Variants in CDH26 observed in about 807,000 individuals in gnomAD.
The protein encoded by CDH26 is cadherin-like protein 26.
A neutral mutation model predicts 90.3 loss-of-function variants in CDH26; 83 were observed. The observed-to-expected ratio is 0.92, with a 90% CI of 0.77 to 1.10. The LOEUF (loss-of-function observed/expected upper bound fraction) is 1.10, where lower values mean the gene tolerates loss of function less well. CDH26 is among the 50% of genes least tolerant of loss of function. The pLI is 0.00. For synonymous variants in CDH26, 397 were observed against 396.3 expected (o/e 1.00, Z -0.02); for missense variants, 1,013 against 1,037.6 (o/e 0.98, Z 0.33).
intron 7 of CDH26, among the ~76,000 whole-genome samples, chr20:60,021,897 C>CATATATATATATAT (rs71228705): frequency 2.4e-4 from 19 of 78,936 alleles, no homozygotes; most frequent in African/African-American, 5.6e-4. Context: ...CACACACACA[C>CATATATATATATAT]ATATATATAT....
At chr20:60,035,505 T>G (rs2122806727), downstream of CDH26, among the ~76,000 whole-genome samples, 1 of 152,394 alleles carries the variant, frequency 6.6e-6, no homozygotes, top group East Asian at 1.9e-4. Context: ...CTGGAACATA[T>G]GAAATTATGT....
At chr20:60,025,322 T>G (rs1200111245) in intron 7 of CDH26, among the ~76,000 whole-genome samples, 1 of 152,244 alleles carries the variant, frequency 6.6e-6, no homozygotes, top group Non-Finnish European at 1.5e-5. Context: ...ATTTTTCCCA[T>G]TATGTTTAAA....
At chr20:60,020,899 A>G (rs2061946625) in intron 7 of CDH26, among the ~76,000 whole-genome samples, 1 of 152,176 alleles carries the variant, frequency 6.6e-6, no homozygotes, top group Admixed American at 6.5e-5. Context: ...AGGGACTGTT[A>G]GTGATCTTCT....
chr20:59,974,760 G>A (rs897818743), intron 4 of CDH26, among the ~76,000 whole-genome samples: 3 of 152,158 alleles, frequency 2.0e-5, no homozygotes, highest in South Asian at 2.1e-4. Context: ...AAGATACAGG[G>A]TGGGGATTCT....
intron 4 of CDH26, 145 bp downstream of exon 4, chr20:59,972,268 C>G: frequency 1.4e-6 from 1 of 721,280 alleles, no homozygotes; most frequent in South Asian, 2.0e-5. Context: ...ACGAGTATGC[C>G]TGAGACTTTT....
At chr20:59,987,711 A>T (rs2061477150) in intron 8 of CDH26, 73 bp downstream of exon 8, 5 of 1,362,052 alleles carry the variant, frequency 3.7e-6, no homozygotes, top group Non-Finnish European at 4.0e-6. Flanking sequence ...ATCACTCACA[A>T]TGAACCAGGG....
chr20:60,021,091 G>A (rs2146030535), intron 7 of CDH26, among the ~76,000 whole-genome samples: 1 of 152,296 alleles, frequency 6.6e-6, no homozygotes, highest in Admixed American at 6.5e-5. Context: ...TCCAGTTAAA[G>A]CTTAGTTATT....
Position 59,958,768 on chromosome 20 carries a change from T to G in CDH26, c.42T>G (p.Leu14=), listed in dbSNP as rs750059295. 8.1e-6 allele frequency: 13 copies of G among 1,614,040 alleles called. No individual in the cohort carries two copies. The highest frequency in any genetic ancestry group is 1.1e-5 in the Non-Finnish European group (13 of 1,179,936). ...GGAGGCACCCCTCGCTGCTGCTGCT[T>G]CTAGTGCTGCTGCTGTGGCTGCTGC... ...RSGRHPSLLL[L]LVLLLWLLQV... The change falls in exon 1 of 18, where the codon CTT becomes CTG. Residue 14 remains leucine, a synonymous_variant. Coordinates refer to ENST00000348616, the MANE Select transcript of CDH26 (RefSeq NM_177980.4).
chr20:59,993,525 A>G (rs997642657), intron 10 of CDH26, among the ~76,000 whole-genome samples: 1 of 152,180 alleles, frequency 6.6e-6, no homozygotes, highest in Non-Finnish European at 1.5e-5. Context: ...TTGATTTTCT[A>G]TTCCTGAGTT....
intron 9 of CDH26, 147 bp downstream of exon 9, chr20:59,989,310 T>A: frequency 1.0e-6 from 1 of 986,728 alleles, no homozygotes; most frequent in South Asian, 1.6e-5. Flanking sequence ...GGGTGGATCA[T>A]GAGGTCAAGA....
At chr20:60,010,928 A>G (rs766097566) in intron 17 of CDH26, among the ~76,000 whole-genome samples, 10 of 152,068 alleles carry the variant, frequency 6.6e-5, no homozygotes, top group Non-Finnish European at 8.8e-5. Flanking sequence ...ACAGAGAAAG[A>G]ACAGAGGCTC....
chr20:60,005,472 ATATATCTG>A (rs1569056716), intron 16 of CDH26, among the ~76,000 whole-genome samples: 4 of 145,556 alleles, frequency 2.7e-5, no homozygotes, highest in Non-Finnish European at 6.0e-5. Flanking sequence ...GTGCATGTGT[ATATATCTG>A]TATGTATGTA....
Position 59,970,092 on chromosome 20 carries a change from A to G in CDH26, c.137A>G (p.Tyr46Cys). ...CACTATAAGTTCCAGGAAAAGATCT[A>G]CCAGCCTCTACGGCGATCCAAGAGA... ...DLTKQTKEKI[Y>C]QPLRRSKRRW... The change falls in exon 3 of 18, where the codon TAC (tyrosine) becomes TGC (cysteine). Residue 46 changes from tyrosine (Y) to cysteine (C), a missense_variant. Coordinates refer to ENST00000348616, the MANE Select transcript of CDH26 (RefSeq NM_177980.4). 12 of 1,612,768 alleles carry G rather than the reference A, an allele frequency of 7.4e-6. No individual in the cohort carries two copies. Among genetic ancestry groups the G allele is most frequent in the Non-Finnish European group, 1.0e-5 (12 of 1,179,516 alleles).
chr20:59,967,858 TTTC>T (rs2061177269), intron 1 of CDH26, among the ~76,000 whole-genome samples: 1 of 114,934 alleles, frequency 8.7e-6, no homozygotes, highest in African/African-American at 4.8e-5. Flanking sequence ...TCTTTCTTTC[TTTC>T]TTTCTTTCTT....
chr20:60,016,425 A>C (rs570538137), downstream of CDH26, among the ~76,000 whole-genome samples: 2 of 152,184 alleles, frequency 1.3e-5, no homozygotes, highest in East Asian at 1.9e-4. Flanking sequence ...TTTGTTGTTC[A>C]TGTATAGAAA....
exon 9 of CDH26, chr20:60,033,848 A>C: frequency 1.0e-6 from 1 of 1,003,174 alleles, no homozygotes; most frequent in Admixed American, 4.7e-5. Context: ...GTCATAAATA[A>C]CTTTTCCTCT....
intron 10 of CDH26, among the ~76,000 whole-genome samples, chr20:59,993,905 A>T (rs1307599268): frequency 6.6e-6 from 1 of 151,266 alleles, no homozygotes; most frequent in Non-Finnish European, 1.5e-5. Context: ...CCCCTTGGGG[A>T]CCCCCATGGT....
chr20:60,032,424 T>C (rs1339599069), intron 8 of CDH26, among the ~76,000 whole-genome samples: 1 of 152,206 alleles, frequency 6.6e-6, no homozygotes, highest in Non-Finnish European at 1.5e-5. Flanking sequence ...CCTCTAGCAA[T>C]GTAAGGCGGA....
At chr20:59,997,956 C>G (rs2061621271) in intron 13 of CDH26, among the ~76,000 whole-genome samples, 1 of 152,266 alleles carries the variant, frequency 6.6e-6, no homozygotes, top group Admixed American at 6.5e-5. Context: ...TTAGGCTCCT[C>G]TGGCAGGTAT....
Sources: allele counts gnomAD v4.1 joint callset (sites outside exome capture counted in the v4.1 genomes callset), GRCh38; gene constraint gnomAD v4.1.1; transcripts MANE v1.5; gene names NCBI Gene and HGNC (gene_info 2026-07-23, HGNC 2026-07-21).